The following DNAJC1 variants were observed in gnomAD, a reference collection of about 807,000 sequenced individuals.
DNAJC1 encodes DnaJ heat shock protein family (Hsp40) member C1, also known as dnaJ homolog subfamily C member 1.
DNAJC1 carries 58 observed loss-of-function variants against 76.6 expected under a neutral mutation model. The observed-to-expected ratio is 0.76, with a 90% CI of 0.61 to 0.94. DNAJC1 has a LOEUF of 0.94. Ranked by LOEUF, DNAJC1 falls within the 40% of genes least tolerant of loss-of-function variation. The pLI, the probability that DNAJC1 is intolerant of heterozygous loss-of-function variation, is 0.00. For missense variants in DNAJC1, 689 were observed against 677.3 expected, an observed-to-expected ratio of 1.02 and a Z score of -0.19; for synonymous variants, 258 against 267.9, an observed-to-expected ratio of 0.96 and a Z score of 0.36.
At chr10:21,874,657 A>C (rs1279089163) in intron 8 of DNAJC1, among the ~76,000 whole-genome samples, 1 of 152,098 alleles carries the variant, frequency 6.6e-6, no homozygotes, top group Non-Finnish European at 1.5e-5. Context: ...CTGCTAATAG[A>C]TATGGTTTTA....
At chr10:21,998,269 A>G (rs2131853384) in intron 1 of DNAJC1, among the ~76,000 whole-genome samples, 1 of 152,000 alleles carries the variant, frequency 6.6e-6, no homozygotes, top group East Asian at 1.9e-4. Context: ...AGGTGCCTGT[A>G]ATCCCAGCTA....
At chr10:21,915,424 G>C (rs1270584996) in intron 6 of DNAJC1, among the ~76,000 whole-genome samples, 1 of 152,202 alleles carries the variant, frequency 6.6e-6, no homozygotes, top group East Asian at 1.9e-4. Flanking sequence ...TTTGGGTACA[G>C]ATTCTGCCAG....
chr10:21,956,539 A>C (rs922529652), intron 1 of DNAJC1, among the ~76,000 whole-genome samples: 1 of 151,234 alleles, frequency 6.6e-6, no homozygotes, highest in Non-Finnish European at 1.5e-5. Context: ...ATGTACATAC[A>C]CATAAATACA....
chr10:21,876,103 G>GA lies in DNAJC1; in HGVS notation c.978+6178dup, dbSNP rs557411830. Among the ~76,000 whole-genome samples, 349 of 150,830 alleles carry GA rather than the reference G, an allele frequency of 2.3e-3. 3 individuals are homozygous for GA. Among genetic ancestry groups the GA allele is most frequent in the African/African-American group, 7.8e-3 (321 of 41,256 alleles). On this transcript the variant is annotated intron_variant, in intron 8 of 11. Transcript: ENST00000376980. ...GTACAAAAAGCTGCAACACATTATTGAAAAAACGTTAATTTTTTTTTTTTT... is the reference window on the plus strand; with the variant it reads ...GTACAAAAAGCTGCAACACATTATTGAAAAAAACGTTAATTTTTTTTTTTTT...
At chr10:21,837,089 T>C (rs1835473228) in intron 8 of DNAJC1, among the ~76,000 whole-genome samples, 1 of 152,220 alleles carries the variant, frequency 6.6e-6, no homozygotes, top group African/African-American at 2.4e-5. Context: ...ATTCGTATTT[T>C]TTTGGTGGAG....
At chr10:21,941,790 C>CA (rs1318107546) in intron 1 of DNAJC1, among the ~76,000 whole-genome samples, 3 of 150,428 alleles carry the variant, frequency 2.0e-5, no homozygotes, top group East Asian at 3.9e-4. Context: ...CTAGAATTTT[C>CA]AAAAAAGAAA....
intron 8 of DNAJC1, among the ~76,000 whole-genome samples, chr10:21,847,511 A>G (rs1442610595): frequency 6.6e-6 from 1 of 152,122 alleles, no homozygotes; most frequent in Admixed American, 6.6e-5. Flanking sequence ...TGGTCACTCT[A>G]CCATGCCATC....
chr10:21,890,131 G>A (rs1185442368), intron 7 of DNAJC1, among the ~76,000 whole-genome samples: 1 of 151,950 alleles, frequency 6.6e-6, no homozygotes, highest in African/African-American at 2.4e-5. Flanking sequence ...AAGTCTAGTG[G>A]GCTGGTGTGA....
intron 8 of DNAJC1, among the ~76,000 whole-genome samples, chr10:21,824,962 G>C (rs1264210481): frequency 1.3e-5 from 2 of 152,048 alleles, no homozygotes; most frequent in Non-Finnish European, 2.9e-5. Flanking sequence ...TTTTAGTAGA[G>C]ACGGGGTTTC....
rs78262222 is a variant in DNAJC1 at position 21,933,938 on chromosome 10, A to T, written c.223-4797T>A. On this transcript the variant is annotated intron_variant, in intron 1 of 11. Coordinates refer to ENST00000376980, the MANE Select transcript of DNAJC1 (RefSeq NM_022365.4). ...TACATAATATTTGATGATAATAAGCAACTATGTTACAGGGTTATGTATTTA... is the reference window on the plus strand; with the variant it reads ...TACATAATATTTGATGATAATAAGCTACTATGTTACAGGGTTATGTATTTA... Among the ~76,000 whole-genome samples the T allele has an allele frequency of 2.2e-3, 335 of 152,310 alleles. 3 individuals carry two copies. Among genetic ancestry groups the T allele is most frequent in the African/African-American group, 7.7e-3 (319 of 41,566 alleles).
At chr10:21,841,493 C>G (rs1835573656) in intron 8 of DNAJC1, among the ~76,000 whole-genome samples, 1 of 152,146 alleles carries the variant, frequency 6.6e-6, no homozygotes, top group African/African-American at 2.4e-5. Flanking sequence ...CCAAAAAACA[C>G]ATGAAAAAAT....
intron 8 of DNAJC1, among the ~76,000 whole-genome samples, chr10:21,821,914 G>C (rs1306420108): frequency 6.6e-6 from 1 of 151,612 alleles, no homozygotes; most frequent in Non-Finnish European, 1.5e-5. Flanking sequence ...CATATCACCG[G>C]TAAATGGTAT....
chr10:21,846,111 T>G (rs1835655275), intron 8 of DNAJC1, among the ~76,000 whole-genome samples: 1 of 152,176 alleles, frequency 6.6e-6, no homozygotes. Context: ...AACCTCCTCA[T>G]GTTAACGCAT....
chr10:21,971,582 CAT>C (rs1423188362), intron 1 of DNAJC1, among the ~76,000 whole-genome samples: 1 of 151,816 alleles, frequency 6.6e-6, no homozygotes, highest in East Asian at 1.9e-4. Context: ...CTTTGAGAAA[CAT>C]AAAATATGCT....
intron 3 of DNAJC1, among the ~76,000 whole-genome samples, chr10:21,926,560 C>T (rs548405683): frequency 1.3e-5 from 2 of 152,200 alleles, no homozygotes; most frequent in South Asian, 2.1e-4. Flanking sequence ...GCTGACTGTG[C>T]TCTTTTTTTT....
chr10:21,793,894 A>T (rs1228986382), intron 9 of DNAJC1, among the ~76,000 whole-genome samples: 1 of 152,206 alleles, frequency 6.6e-6, no homozygotes, highest in Non-Finnish European at 1.5e-5. Flanking sequence ...TCGAGGCTAT[A>T]GTGAGCAGTG....
intron 8 of DNAJC1, among the ~76,000 whole-genome samples, chr10:21,866,461 C>T (rs1836003996): frequency 6.6e-6 from 1 of 151,910 alleles, no homozygotes; most frequent in Non-Finnish European, 1.5e-5. Flanking sequence ...TAAACTGCAA[C>T]ACTTTATATA....
At chr10:21,971,685 G>C (rs1027758493) in intron 1 of DNAJC1, among the ~76,000 whole-genome samples, 2 of 151,942 alleles carry the variant, frequency 1.3e-5, no homozygotes, top group East Asian at 1.9e-4. Flanking sequence ...TCTGAAATGA[G>C]AAGTTTGACA....
At chr10:21,987,843 T>C (rs2131844026) in intron 1 of DNAJC1, among the ~76,000 whole-genome samples, 1 of 152,196 alleles carries the variant, frequency 6.6e-6, no homozygotes, top group East Asian at 1.9e-4. Flanking sequence ...TAAATAGAAT[T>C]CCACCAGTCC....
Sources: gnomAD v4.1 joint callset for allele counts (sites outside exome capture counted in the v4.1 genomes callset) on GRCh38, gnomAD v4.1.1 for gene constraint, MANE v1.5 for transcripts, NCBI Gene and HGNC (gene_info 2026-07-23, HGNC 2026-07-21) for gene names.